KLHL1: variants seen among roughly 807,000 people sequenced by gnomAD.
The protein encoded by KLHL1 is kelch like family member 1.
A neutral mutation model predicts 77.7 loss-of-function variants in KLHL1; 47 were observed. The observed-to-expected ratio is 0.60, with a 90% CI of 0.48 to 0.77. KLHL1 has a LOEUF of 0.77. Ranked by LOEUF, KLHL1 falls within the 30% of genes least tolerant of loss-of-function variation. The pLI is 0.00. For missense variants in KLHL1, 925 were observed against 910.8 expected (o/e 1.02, Z -0.20); for synonymous variants, 360 against 325.2 (o/e 1.11, Z -1.15).
rs148562397 is a variant in KLHL1 at position 69,825,863 on chromosome 13, G to A, written c.1414+13113C>T. ...AAGTTAGATAGAAATATTGCTGATA[G>A]GGTATATCCCAGATAGTATATTAAT... On this transcript the variant is annotated intron_variant, in intron 6 of 10. Transcript: ENST00000377844. Among the ~76,000 whole-genome samples, 799 of 152,272 alleles carry A rather than the reference G, an allele frequency of 5.2e-3. 10 individuals carry two copies. The highest frequency in any genetic ancestry group is 0.018 in the African/African-American group (735 of 41,544).
At chr13:69,903,371 C>T (rs1288730812) in intron 4 of KLHL1, among the ~76,000 whole-genome samples, 3 of 152,056 alleles carry the variant, frequency 2.0e-5, no homozygotes, top group Admixed American at 6.6e-5. Context: ...CCCACCAGAG[C>T]GCATCTGCCC....
chr13:69,957,537 C>T (rs79344638), intron 3 of KLHL1, among the ~76,000 whole-genome samples: 1,579 of 151,798 alleles, frequency 0.01, 27 homozygotes, highest in African/African-American at 0.035. Flanking sequence ...GGAGCATCGA[C>T]ATATATAGTT....
intron 7 of KLHL1, among the ~76,000 whole-genome samples, chr13:69,791,004 C>T (rs1446789103): frequency 6.6e-6 from 1 of 152,034 alleles, no homozygotes; most frequent in Non-Finnish European, 1.5e-5. Context: ...GTGAAAGTCA[C>T]TTGTATAGTG....
chr13:69,927,081 T>G (rs542760933), intron 4 of KLHL1, among the ~76,000 whole-genome samples: 1 of 151,190 alleles, frequency 6.6e-6, no homozygotes. Flanking sequence ...TGAAAAAGAA[T>G]TGAGAGTCCA....
chr13:69,943,725 T>C (rs1254446564), intron 3 of KLHL1, among the ~76,000 whole-genome samples: 1 of 152,200 alleles, frequency 6.6e-6, no homozygotes, highest in Non-Finnish European at 1.5e-5. Context: ...AATCTGTTAT[T>C]AATTTTAAAC....
At chr13:69,968,035 T>C (rs1241834200) in intron 2 of KLHL1, among the ~76,000 whole-genome samples, 1 of 152,090 alleles carries the variant, frequency 6.6e-6, no homozygotes, top group Non-Finnish European at 1.5e-5. Flanking sequence ...TATATGTATA[T>C]AAAAAAATTG....
At chr13:69,983,597 AG>A (rs1814475018) in intron 1 of KLHL1, among the ~76,000 whole-genome samples, 1 of 138,278 alleles carries the variant, frequency 7.2e-6, no homozygotes, top group African/African-American at 3.2e-5. Context: ...AAAAAGAAGA[AG>A]AAGAAGAGAA....
At chr13:70,012,016 C>G (rs1296910892) in intron 1 of KLHL1, among the ~76,000 whole-genome samples, 1 of 152,016 alleles carries the variant, frequency 6.6e-6, no homozygotes, top group African/African-American at 2.4e-5. Context: ...AGGGGAACTC[C>G]TCTTTATAAA....
intron 1 of KLHL1, among the ~76,000 whole-genome samples, chr13:70,010,043 C>G (rs1885495798): frequency 6.6e-6 from 1 of 151,270 alleles, no homozygotes; most frequent in South Asian, 2.1e-4. Flanking sequence ...AAAAAAAAAG[C>G]AAGGCATGAG....
At chr13:69,926,966 A>AAAAAAAAAAAAC (rs1370554258) in intron 4 of KLHL1, among the ~76,000 whole-genome samples, 4 of 149,770 alleles carry the variant, frequency 2.7e-5, no homozygotes, top group Admixed American at 6.7e-5. Context: ...AAAAAAAAAA[A>AAAAAAAAAAAAC]AAAAGCAGAG....
At chr13:69,834,936 G>A (rs538057019) in intron 6 of KLHL1, among the ~76,000 whole-genome samples, 59 of 152,170 alleles carry the variant, frequency 3.9e-4, no homozygotes, top group African/African-American at 1.3e-3. Flanking sequence ...AATTAGAGAT[G>A]TTCTAATTTA....
intron 6 of KLHL1, among the ~76,000 whole-genome samples, chr13:69,801,419 G>T (rs1877373359): frequency 1.3e-5 from 2 of 152,076 alleles, no homozygotes; most frequent in Admixed American, 1.3e-4. Flanking sequence ...ACTATTATTA[G>T]GAGTGGTTAT....
intron 1 of KLHL1, among the ~76,000 whole-genome samples, chr13:69,992,923 G>GAAA: frequency 6.8e-6 from 1 of 147,416 alleles, no homozygotes. Flanking sequence ...GCTGCAGAGG[G>GAAA]AAAAAAAAAA....
chr13:70,071,933 T>G (rs1887147545), intron 1 of KLHL1, among the ~76,000 whole-genome samples: 1 of 152,004 alleles, frequency 6.6e-6, no homozygotes, highest in Non-Finnish European at 1.5e-5. Context: ...AAGCCTGAAG[T>G]AAGCAGAAGA....
At chr13:69,787,513 G>T (rs1876619525) in intron 7 of KLHL1, among the ~76,000 whole-genome samples, 2 of 152,154 alleles carry the variant, frequency 1.3e-5, no homozygotes, top group Admixed American at 1.3e-4. Context: ...ATTAATTCAA[G>T]GTGGATTAAA....
At chr13:69,797,643 C>T (rs1877171343) in intron 6 of KLHL1, among the ~76,000 whole-genome samples, 1 of 146,618 alleles carries the variant, frequency 6.8e-6, no homozygotes, top group African/African-American at 2.6e-5. Context: ...ACGGTGAAAC[C>T]CCGTCTCTAC....
At chr13:70,092,108 C>T (rs1887683858) in intron 1 of KLHL1, among the ~76,000 whole-genome samples, 1 of 152,074 alleles carries the variant, frequency 6.6e-6, no homozygotes, top group South Asian at 2.1e-4. Flanking sequence ...TAGTTTCCAC[C>T]AGATGAGAAA....
chr13:69,837,696 A>G, intron 6 of KLHL1, among the ~76,000 whole-genome samples: 1 of 147,694 alleles, frequency 6.8e-6, no homozygotes, highest in African/African-American at 2.5e-5. Context: ...ATACACATAT[A>G]TATATAGATC....
intron 1 of KLHL1, among the ~76,000 whole-genome samples, chr13:70,083,326 G>C (rs1303077670): frequency 6.6e-6 from 1 of 152,148 alleles, no homozygotes; most frequent in South Asian, 2.1e-4. Context: ...AGAGTCAAAT[G>C]CATGTTCTTA....
Sources: allele counts gnomAD v4.1 joint callset (sites outside exome capture counted in the v4.1 genomes callset), GRCh38; gene constraint gnomAD v4.1.1; transcripts MANE v1.5; gene names NCBI Gene and HGNC (gene_info 2026-07-23, HGNC 2026-07-21).